DLGAP1: variants seen among roughly 807,000 people sequenced by gnomAD.
DLGAP1 encodes DLG associated protein 1.
Under a neutral mutation model 90.8 loss-of-function variants are expected in DLGAP1, and 11 were observed. The observed-to-expected ratio is 0.12, with a 90% CI of 0.08 to 0.20. The LOEUF (loss-of-function observed/expected upper bound fraction) is 0.20, where lower values mean the gene tolerates loss of function less well. Among genes scored for constraint, DLGAP1 ranks in the 10% least tolerant of loss-of-function variants. The probability of loss-of-function intolerance (pLI) is 1.00; values close to 1 mark genes in which losing one functional copy is unlikely to be tolerated. For missense variants in DLGAP1, 1,050 were observed against 1,333.8 expected (o/e 0.79, Z 3.31); for synonymous variants, 558 against 540.7 (o/e 1.03, Z -0.44).
At chr18:3,607,640 TCTC>T (rs1248025667) in intron 7 of DLGAP1, 6 of 152,178 alleles carry the variant, frequency 3.9e-5, no homozygotes, top group East Asian at 1.9e-4. Flanking sequence ...TTTATTACCT[TCTC>T]CTGACAATTT....
intron 7 of DLGAP1, among the ~76,000 whole-genome samples, chr18:3,642,885 CA>C (rs1403203903): frequency 6.6e-6 from 1 of 152,154 alleles, no homozygotes; most frequent in Non-Finnish European, 1.5e-5. Flanking sequence ...GGGGATATGG[CA>C]ATGTCTAGTC....
In DLGAP1 at chr18:4,198,635, A is replaced by G. The variant is rs906890801; in HGVS notation, c.-266-47348T>C. Among the ~76,000 whole-genome samples the G allele has an allele frequency of 5.3e-5, 8 of 152,216 alleles. No individual in the cohort carries two copies. The South Asian group carries it at 1.2e-3, about 24-fold the overall frequency. ...ATTTGATAGGATGAATGAGTTGGCA[A>G]GAATGTCAGTAAATTGCAGTTTTCA... On this transcript the variant is annotated intron_variant, in intron 1 of 12. Transcript: ENST00000315677.
At chr18:4,450,377 T>C (rs2083790391) in intron 1 of DLGAP1, among the ~76,000 whole-genome samples, 1 of 152,192 alleles carries the variant, frequency 6.6e-6, no homozygotes, top group Admixed American at 6.5e-5. Flanking sequence ...TCTCCAGTAG[T>C]AGAATTAAAA....
At chr18:4,120,734 T>TC (rs5822796) in intron 2 of DLGAP1, among the ~76,000 whole-genome samples, 5,351 of 80,066 alleles carry the variant, frequency 0.067, 341 homozygotes, top group African/African-American at 0.19. Context: ...CTTCCTTCCC[T>TC]TCTCCCTCCC....
intron 1 of DLGAP1, among the ~76,000 whole-genome samples, chr18:4,324,689 C>T (rs959362971): frequency 1.3e-5 from 2 of 152,060 alleles, no homozygotes; most frequent in African/African-American, 4.8e-5. Context: ...TAGGCTTTAC[C>T]CCTGGGAAGC....
intron 7 of DLGAP1, among the ~76,000 whole-genome samples, chr18:3,612,860 G>C (rs1349584695): frequency 6.6e-6 from 1 of 150,556 alleles, no homozygotes; most frequent in African/African-American, 2.4e-5. Context: ...TTTTTTTTGA[G>C]ACGGAGTTTT....
chr18:3,628,907 G>GT (rs1228428486), intron 7 of DLGAP1, among the ~76,000 whole-genome samples: 3 of 152,058 alleles, frequency 2.0e-5, no homozygotes, highest in East Asian at 3.8e-4. Context: ...GATATTTAGG[G>GT]TTTTTTTGGT....
intron 7 of DLGAP1, among the ~76,000 whole-genome samples, chr18:3,642,410 C>G (rs1441258931): frequency 6.6e-6 from 1 of 152,198 alleles, no homozygotes; most frequent in Non-Finnish European, 1.5e-5. Flanking sequence ...GGGATGCTTA[C>G]CTGGCATATG....
At chr18:3,717,886 G>A (rs1222341118) in intron 7 of DLGAP1, among the ~76,000 whole-genome samples, 1 of 152,188 alleles carries the variant, frequency 6.6e-6, no homozygotes, top group African/African-American at 2.4e-5. Flanking sequence ...CAAGGTAGTA[G>A]CTGAGATCTT....
intron 4 of DLGAP1, among the ~76,000 whole-genome samples, chr18:3,842,780 A>G (rs979361365): frequency 6.6e-6 from 1 of 152,148 alleles, no homozygotes; most frequent in South Asian, 2.1e-4. Context: ...TACTGAGTGC[A>G]GTTTTTGACA....
chr18:4,078,100 AG>A (rs2075551191), intron 2 of DLGAP1, among the ~76,000 whole-genome samples: 1 of 152,198 alleles, frequency 6.6e-6, no homozygotes, highest in Non-Finnish European at 1.5e-5. Flanking sequence ...CCATGGGTAA[AG>A]GGGACCTCTT....
intron 7 of DLGAP1, among the ~76,000 whole-genome samples, chr18:3,583,184 A>ACCTACCTTCCTTCCTT (rs1555688608): frequency 2.2e-4 from 28 of 127,834 alleles, no homozygotes; most frequent in African/African-American, 8.8e-4. Flanking sequence ...CTACCTACCT[A>ACCTACCTTCCTTCCTT]CCTTCCTTCC....
chr18:3,529,206 A>G (rs959045857), intron 10 of DLGAP1, among the ~76,000 whole-genome samples: 1 of 152,236 alleles, frequency 6.6e-6, no homozygotes, highest in African/African-American at 2.4e-5. Context: ...TCACAGGGGC[A>G]GAGTCCTCAT....
intron 1 of DLGAP1, among the ~76,000 whole-genome samples, chr18:4,230,711 C>T (rs1057094733): frequency 8.9e-5 from 13 of 146,756 alleles, no homozygotes; most frequent in Non-Finnish European, 1.3e-4. Flanking sequence ...AGTATGTGAC[C>T]GCAAAACAGG....
At chr18:3,639,823 C>G (rs573287997) in intron 7 of DLGAP1, among the ~76,000 whole-genome samples, 8 of 135,192 alleles carry the variant, frequency 5.9e-5, no homozygotes, top group Admixed American at 5.2e-4. Context: ...GGCGCGATCT[C>G]GGCTCACTGC....
intron 2 of DLGAP1, among the ~76,000 whole-genome samples, chr18:4,119,147 A>G (rs999426667): frequency 1.4e-4 from 22 of 152,066 alleles, no homozygotes; most frequent in Non-Finnish European, 2.9e-5. Flanking sequence ...GCTAGAGTGC[A>G]GTGGCATGAT....
chr18:4,230,210 G>C (rs1305724264), intron 1 of DLGAP1, among the ~76,000 whole-genome samples: 1 of 152,058 alleles, frequency 6.6e-6, no homozygotes, highest in African/African-American at 2.4e-5. Flanking sequence ...AACCACAATG[G>C]AAAACAGTTT....
intron 9 of DLGAP1, among the ~76,000 whole-genome samples, chr18:3,540,927 C>T (rs953224947): frequency 2.6e-5 from 4 of 152,136 alleles, no homozygotes; most frequent in Non-Finnish European, 5.9e-5. Context: ...TGCTGCCAGC[C>T]TCTTTTTAGC....
intron 2 of DLGAP1, among the ~76,000 whole-genome samples, chr18:4,024,081 A>G (rs1221931709): frequency 6.6e-6 from 1 of 152,190 alleles, no homozygotes; most frequent in Non-Finnish European, 1.5e-5. Context: ...AAAATTATTA[A>G]ATCTAATTTA....
Sources: allele counts gnomAD v4.1 joint callset (sites outside exome capture counted in the v4.1 genomes callset), GRCh38; gene constraint gnomAD v4.1.1; transcripts MANE v1.5; gene names NCBI Gene and HGNC (gene_info 2026-07-23, HGNC 2026-07-21).